MGAT4C: variants seen among roughly 807,000 people sequenced by gnomAD.
The protein encoded by MGAT4C is MGAT4 family member C, also known as alpha-1,3-mannosyl-glycoprotein 4-beta-N-acetylglucosaminyltransferase C.
MGAT4C carries 19 observed loss-of-function variants against 40.1 expected under a neutral mutation model. The ratio of observed to expected loss-of-function variants is 0.47; its 90% CI spans 0.33 to 0.70. The LOEUF (loss-of-function observed/expected upper bound fraction) is 0.70. Ranked by LOEUF, MGAT4C falls within the 30% of genes least tolerant of loss-of-function variation. MGAT4C has a pLI of 0.02. For synonymous variants in MGAT4C, 181 were observed against 187.1 expected, an observed-to-expected ratio of 0.97 and a Z score of 0.27; for missense variants, 491 against 563.2, an observed-to-expected ratio of 0.87 and a Z score of 1.30.
intron 4 of MGAT4C, among the ~76,000 whole-genome samples, chr12:86,262,052 A>C (rs1005248303): frequency 7.2e-5 from 11 of 152,072 alleles, no homozygotes; most frequent in Admixed American, 6.5e-4. Flanking sequence ...ACTAGGCATA[A>C]ATTTAATATA....
At chr12:86,735,504 AG>A (rs1286244332) in intron 1 of MGAT4C, among the ~76,000 whole-genome samples, 1 of 151,950 alleles carries the variant, frequency 6.6e-6, no homozygotes, top group Non-Finnish European at 1.5e-5. Context: ...CAAGGAAGCA[AG>A]GGAGAATCAT....
At chr12:86,569,559 T>A (rs1027731934) in intron 2 of MGAT4C, among the ~76,000 whole-genome samples, 5 of 152,056 alleles carry the variant, frequency 3.3e-5, no homozygotes, top group Admixed American at 3.3e-4. Context: ...TTGGTGAAGA[T>A]GTAAAGGGAA....
intron 3 of MGAT4C, among the ~76,000 whole-genome samples, chr12:86,366,089 G>A (rs912354548): frequency 6.6e-6 from 1 of 152,000 alleles, no homozygotes; most frequent in African/African-American, 2.4e-5. Flanking sequence ...ACTTGTCCTT[G>A]TAGAGCAGTT....
At chr12:86,427,912 C>T (rs1254023026) in intron 3 of MGAT4C, among the ~76,000 whole-genome samples, 4 of 151,712 alleles carry the variant, frequency 2.6e-5, no homozygotes, top group Admixed American at 6.6e-5. Flanking sequence ...TCCAGCTACT[C>T]GGGAGGCTGA....
intron 1 of MGAT4C, among the ~76,000 whole-genome samples, chr12:86,194,985 A>C (rs1949744989): frequency 1.3e-5 from 2 of 152,196 alleles, no homozygotes; most frequent in African/African-American, 2.4e-5. Context: ...CTAAAATTAA[A>C]ATATCAGCAA....
At chr12:86,255,139 T>C (rs2136085436) in intron 1 of MGAT4C, among the ~76,000 whole-genome samples, 1 of 152,176 alleles carries the variant, frequency 6.6e-6, no homozygotes, top group South Asian at 2.1e-4. Flanking sequence ...TATTCAAAAG[T>C]TTTATAACCC....
chr12:86,572,496 GAC>G (rs1040765919), intron 2 of MGAT4C, among the ~76,000 whole-genome samples: 9 of 151,906 alleles, frequency 5.9e-5, no homozygotes, highest in Non-Finnish European at 1.3e-4. Flanking sequence ...GCTATTGAAG[GAC>G]ACACTCTTTA....
At chr12:86,738,364 T>G (rs563901603) in intron 1 of MGAT4C, among the ~76,000 whole-genome samples, 3 of 151,562 alleles carry the variant, frequency 2.0e-5, no homozygotes, top group Admixed American at 6.6e-5. Context: ...CCTTAACTTT[T>G]TAAAAAATTG....
intron 2 of MGAT4C, among the ~76,000 whole-genome samples, chr12:86,004,043 A>C (rs1354092334): frequency 6.6e-6 from 1 of 152,188 alleles, no homozygotes; most frequent in African/African-American, 2.4e-5. Context: ...TTGCCTTTTC[A>C]AAACAAATCT....
chr12:86,815,685 G>T (rs1241632954), intron 1 of MGAT4C, among the ~76,000 whole-genome samples: 1 of 151,362 alleles, frequency 6.6e-6, no homozygotes, highest in Non-Finnish European at 1.5e-5. Context: ...GCCATAAAAA[G>T]GAATGAATTA....
chr12:86,225,643 G>A (rs539291404), intron 1 of MGAT4C, among the ~76,000 whole-genome samples: 1 of 152,050 alleles, frequency 6.6e-6, no homozygotes, highest in Admixed American at 6.6e-5. Flanking sequence ...GGTTCAACAT[G>A]AAAACCAATC....
chr12:86,427,511 C>A (rs894203786), intron 3 of MGAT4C, among the ~76,000 whole-genome samples: 3 of 152,064 alleles, frequency 2.0e-5, no homozygotes, highest in African/African-American at 7.2e-5. Flanking sequence ...CCACCTTACA[C>A]ACACACAGAC....
chr12:86,664,558 G>GAAA lies in MGAT4C; in HGVS notation c.-229+62650_-229+62651insTTT, dbSNP rs1964056203. Among the ~76,000 whole-genome samples the GAAA allele has an allele frequency of 2.0e-5, 3 of 151,978 alleles. No individual in the cohort carries two copies. In the South Asian group the frequency reaches 6.2e-4, roughly 32 times the overall value. On this transcript the variant is annotated intron_variant, in intron 2 of 7. Transcript: ENST00000548651. ...TTGTGTAGAAGCATCATAAGTTAGG[G>GAAA]ACCATCTGTAGTTAAGAATGCTATA... is the stretch of plus-strand genomic sequence containing the variant.
At chr12:86,433,324 A>G (rs1160748299) in intron 3 of MGAT4C, among the ~76,000 whole-genome samples, 3 of 141,984 alleles carry the variant, frequency 2.1e-5, no homozygotes, top group Non-Finnish European at 4.6e-5. Context: ...ATACATACAC[A>G]CATTCACACA....
chr12:86,442,869 C>T (rs547535713), intron 2 of MGAT4C, among the ~76,000 whole-genome samples: 59 of 152,182 alleles, frequency 3.9e-4, no homozygotes, highest in African/African-American at 1.3e-3. Flanking sequence ...CAACCACCAC[C>T]TTGATCAGTC....
At chr12:86,707,265 A>C (rs1179038534) in intron 2 of MGAT4C, among the ~76,000 whole-genome samples, 1 of 152,198 alleles carries the variant, frequency 6.6e-6, no homozygotes, top group African/African-American at 2.4e-5. Flanking sequence ...TCAGAAGAAG[A>C]CAGGAAAATG....
intron 1 of MGAT4C, among the ~76,000 whole-genome samples, chr12:86,736,408 T>C (rs1009895179): frequency 7.2e-5 from 11 of 151,898 alleles, no homozygotes; most frequent in African/African-American, 2.7e-4. Flanking sequence ...ATACTTCCCT[T>C]ATTATCCGGC....
At chr12:86,755,538 T>A (rs987966564) in intron 1 of MGAT4C, among the ~76,000 whole-genome samples, 1 of 152,138 alleles carries the variant, frequency 6.6e-6, no homozygotes, top group Admixed American at 6.6e-5. Flanking sequence ...ACATAGTGAA[T>A]TATTTTTTCT....
At chr12:86,356,238 C>T (rs926979268) in intron 3 of MGAT4C, among the ~76,000 whole-genome samples, 26 of 152,270 alleles carry the variant, frequency 1.7e-4, no homozygotes, top group African/African-American at 5.8e-4. Context: ...ACTGACAACA[C>T]TACCAACGGC....
Sources: allele counts gnomAD v4.1 joint callset (sites outside exome capture counted in the v4.1 genomes callset), GRCh38; gene constraint gnomAD v4.1.1; transcripts MANE v1.5; gene names NCBI Gene and HGNC (gene_info 2026-07-23, HGNC 2026-07-21).